ITGA3: variants seen among roughly 807,000 people sequenced by gnomAD.
The protein encoded by ITGA3 is integrin alpha-3.
A neutral mutation model predicts 131.1 loss-of-function variants in ITGA3; 70 were observed. That is an observed-to-expected ratio of 0.53 (90% CI 0.44 to 0.65). The LOEUF (loss-of-function observed/expected upper bound fraction) is 0.65. Ranked by LOEUF, ITGA3 falls within the 30% of genes least tolerant of loss-of-function variation. ITGA3 has a pLI of 0.00. For missense variants in ITGA3, 1,098 were observed against 1,388.6 expected (o/e 0.79, Z 3.33); for synonymous variants, 537 against 571.6 (o/e 0.94, Z 0.86).
chr17:50,074,909 G>A (rs1168540550), intron 10 of ITGA3, among the ~76,000 whole-genome samples: 4 of 152,140 alleles, frequency 2.6e-5, no homozygotes, highest in Admixed American at 2.6e-4. Context: ...CTTGCTTGTA[G>A]AACAGAATTG....
Position 50,076,725 on chromosome 17 carries a change from CG to C in ITGA3, c.1922+48del, listed in dbSNP as rs1233166024. ...CCGCGTTAATCGGCCAAGGGTGGGACGGGGCCTCATTAACTGGCAGGGTGGG... is the reference window on the plus strand; with the variant it reads ...CCGCGTTAATCGGCCAAGGGTGGGACGGGCCTCATTAACTGGCAGGGTGGG... On this transcript the variant is annotated intron_variant, in intron 14 of 25. Coordinates refer to ENST00000320031, the MANE Select transcript of ITGA3 (RefSeq NM_002204.4). The C allele has an allele frequency of 1.5e-5, 16 of 1,036,360 alleles. No homozygotes were observed. In the African/African-American group the frequency reaches 2.4e-4, roughly 16 times the overall value. The allele number at this position is 1,036,360 out of a possible 1,614,324, so 64.2% of individuals were successfully genotyped here.
chr17:50,078,465 C>T (rs1909028036), intron 18 of ITGA3, among the ~76,000 whole-genome samples, 181 bp downstream of exon 18: 1 of 152,134 alleles, frequency 6.6e-6, no homozygotes, highest in Non-Finnish European at 1.5e-5. Context: ...CGTTACTATT[C>T]CCCCTGTAAA....
At chr17:50,077,758 C>A (rs928600754) in intron 16 of ITGA3, among the ~76,000 whole-genome samples, 1 of 152,202 alleles carries the variant, frequency 6.6e-6, no homozygotes, top group Non-Finnish European at 1.5e-5. Context: ...TCACAGCCTT[C>A]TGAGGAGGTA....
At chr17:50,086,447 G>C (rs1468838219) in intron 23 of ITGA3, 2 of 151,286 alleles carry the variant, frequency 1.3e-5, no homozygotes, top group African/African-American at 4.9e-5. Flanking sequence ...CCAGCACTTT[G>C]GGAGGCCAAG....
chr17:50,079,731 C>A (rs1263646244), intron 21 of ITGA3, among the ~76,000 whole-genome samples, 174 bp downstream of exon 21: 1 of 152,234 alleles, frequency 6.6e-6, no homozygotes, highest in East Asian at 1.9e-4. Flanking sequence ...AGAGGGTTCT[C>A]CACTCTGATG....
In ITGA3 at chr17:50,068,321, CCATGGGGG is replaced by C. The variant is rs1450333023; in HGVS notation, c.664+17_664+24del. On this transcript the variant is annotated intron_variant, in intron 4 of 25. Coordinates refer to ENST00000320031, the MANE Select transcript of ITGA3 (RefSeq NM_002204.4). ...AACTGGAAAGGTGGGGACCATGGGG[CCATGGGGG>C]AAGAAAGGAAGAGCAGAGACCACCC... 6.2e-7 allele frequency: 1 copy of C among 1,610,230 alleles called. No homozygotes were observed. Among genetic ancestry groups the C allele is most frequent in the East Asian group, 2.2e-5 (1 of 44,826 alleles).
At chr17:50,087,504 A>T (rs552495464) in intron 23 of ITGA3, 3 of 454,344 alleles carry the variant, frequency 6.6e-6, no homozygotes, top group South Asian at 9.2e-5. Context: ...ACACACCCAG[A>T]CTCCAGGCCA....
At position 50,090,130 on chromosome 17, in the gene ITGA3, C is replaced by G. The variant is rs1432603303; in HGVS notation, c.*1052C>G. ...AGGCCCCAGAGAGACCCTGCAAGAC[C>G]ACGGAGGGAGCGACACTTGAATGTA... is the stretch of plus-strand genomic sequence containing the variant. On this transcript the variant is annotated 3_prime_UTR_variant, in exon 26 of 26. Coordinates refer to ENST00000320031, the MANE Select transcript of ITGA3 (RefSeq NM_002204.4). 1 of 415,282 alleles carries G rather than the reference C, an allele frequency of 2.4e-6. No homozygotes were observed. Among genetic ancestry groups the G allele is most frequent in the Non-Finnish European group, 5.0e-6 (1 of 200,108 alleles). The allele number at this position is 415,282 out of a possible 1,614,324, so 25.7% of individuals were successfully genotyped here.
At chr17:50,074,589 G>T (rs933230465) in intron 10 of ITGA3, 55 bp downstream of exon 10, 16 of 1,297,160 alleles carry the variant, frequency 1.2e-5, no homozygotes, top group Non-Finnish European at 6.7e-6. Flanking sequence ...GCTAGGAGGG[G>T]CTGCAGCTCC....
chr17:50,067,982 T>C, intron 3 of ITGA3, 74 bp from the exon 4 acceptor site: 1 of 1,585,548 alleles, frequency 6.3e-7, no homozygotes, highest in Non-Finnish European at 8.6e-7. Context: ...AGCCAGAGGC[T>C]TACAGGGTAA....
At chr17:50,079,920 CAAGCCGGTTG>C (rs1215379295) in intron 21 of ITGA3, among the ~76,000 whole-genome samples, 1 of 152,154 alleles carries the variant, frequency 6.6e-6, no homozygotes, top group Admixed American at 6.5e-5. Context: ...GCGGGCCTGG[CAAGCCGGTTG>C]AAGCCTAGCT....
At chr17:50,063,100 A>G (rs116203645) in intron 1 of ITGA3, among the ~76,000 whole-genome samples, 3,237 of 148,484 alleles carry the variant, frequency 0.022, 98 homozygotes, top group African/African-American at 0.08. Context: ...TTCAGGGCCA[A>G]CCCCTGCCTC....
chr17:50,064,391 CGAGCTGGAGAAG>C lies in ITGA3; in HGVS notation c.335-135_335-124del, dbSNP rs1567697045. ...GGATTGGTAGAGCTCAGAATAATGACGAGCTGGAGAAGGGGAGTTGGGAGGGCTGCCCTGTGG... is the reference window on the plus strand; with the variant it reads ...GGATTGGTAGAGCTCAGAATAATGACGGGAGTTGGGAGGGCTGCCCTGTGG... On this transcript the variant is annotated intron_variant, in intron 2 of 25. Transcript: ENST00000320031. This position sits in a 1 kb window ranked among gnomAD's most constrained non-coding sequence, Gnocchi z 4.4. 1 of 1,113,594 alleles carries C rather than the reference CGAGCTGGAGAAG, an allele frequency of 9.0e-7. No homozygotes were observed. Among genetic ancestry groups the C allele is most frequent in the Non-Finnish European group, 1.3e-6 (1 of 779,924 alleles). The allele number at this position is 1,113,594 out of a possible 1,614,324, so 69.0% of individuals were successfully genotyped here. A position where few individuals can be genotyped will look rare whatever the true frequency, so the allele number is the denominator to read the frequency against.
At chr17:50,083,799 A>T (rs1909277524) in intron 23 of ITGA3, among the ~76,000 whole-genome samples, 1 of 152,062 alleles carries the variant, frequency 6.6e-6, no homozygotes, top group Non-Finnish European at 1.5e-5. Flanking sequence ...TATATGACAA[A>T]ATATTGATAT....
rs73330541 is a variant in ITGA3 at position 50,074,392 on chromosome 17, C to G, written c.1383-56C>G. ...CTCCTTGGAAGCCTGGGCCCCAACTCTGGCCTGGGGCAGGCAGGAGGCACT... is the reference window on the plus strand; with the variant it reads ...CTCCTTGGAAGCCTGGGCCCCAACTGTGGCCTGGGGCAGGCAGGAGGCACT... On this transcript the variant is annotated intron_variant, in intron 9 of 25. Transcript: ENST00000320031. 2.4e-3 allele frequency: 3,812 copies of G among 1,600,998 alleles called. 78 individuals are homozygous for G. The African/African-American group carries it at 0.044, about 18-fold the overall frequency.
Position 50,070,923 on chromosome 17 carries a change from C to T in ITGA3, c.744C>T (p.Leu248=). The change falls in exon 5 of 26, where the codon CTC becomes CTT. Residue 248 remains leucine (L), a synonymous_variant. Transcript: ENST00000320031. ...SYKDPEDQGN[L]YIGYTMQVGS... is the part of the protein sequence containing the mutation. The stretch of plus-strand genomic sequence containing the variant: ...AGGACCCAGAGGACCAAGGAAACCT[C>T]TATATTGGTGAGTACAGTAGTGGTA... 2 of 1,592,920 alleles carry T rather than the reference C, an allele frequency of 1.3e-6. No individual in the cohort carries two copies. The highest frequency in any genetic ancestry group is 1.7e-6 in the Non-Finnish European group (2 of 1,160,842).
Position 50,070,924 on chromosome 17 carries a change from T to C in ITGA3, c.745T>C (p.Tyr249His), listed in dbSNP as rs1489894968. The C allele has an allele frequency of 1.9e-6, 3 of 1,588,688 alleles. No homozygotes were observed. The highest frequency in any genetic ancestry group is 2.6e-6 in the Non-Finnish European group (3 of 1,156,892). The change falls in exon 5 of 26, where the codon TAT becomes CAT. Residue 249 changes from tyrosine (Y) to histidine (H), a missense_variant. Tyr to His is a moderately conservative substitution (Grantham distance 83). Transcript: ENST00000320031. The stretch of plus-strand genomic sequence containing the variant: ...GGACCCAGAGGACCAAGGAAACCTC[T>C]ATATTGGTGAGTACAGTAGTGGTAG... ...YKDPEDQGNL[Y>H]IGYTMQVGSF...
Position 50,089,342 on chromosome 17 carries a change from TC to T in ITGA3, c.*266del, listed in dbSNP as rs1909610519. 4.6e-6 allele frequency: 6 copies of T among 1,297,952 alleles called. No homozygotes were observed. In the Admixed American group the frequency reaches 1.2e-4, roughly 26 times the overall value. The allele number at this position is 1,297,952 out of a possible 1,614,324, so 80.4% of individuals were successfully genotyped here. A position where few individuals can be genotyped will look rare whatever the true frequency, so the allele number is the denominator to read the frequency against. Reference sequence around the variant, plus strand: ...TTATCATAAGTTATGCCTCTGACAGTCCACAGGGGCCACCACCTTTGGCTGG... The same window carrying T: ...TTATCATAAGTTATGCCTCTGACAGTCACAGGGGCCACCACCTTTGGCTGG... On this transcript the variant is annotated 3_prime_UTR_variant, in exon 26 of 26. Transcript: ENST00000320031.
chr17:50,077,902 G>A, intron 16 of ITGA3, 144 bp from the exon 17 acceptor site: 2 of 635,042 alleles, frequency 3.1e-6, no homozygotes, highest in East Asian at 5.4e-5. Context: ...GTGGGGTGGG[G>A]AGGTAGAGAC....
Sources: gnomAD v4.1 joint callset for allele counts (sites outside exome capture counted in the v4.1 genomes callset) on GRCh38, gnomAD v4.1.1 for gene constraint, Gnocchi (gnomAD v3.1) non-coding constraint, MANE v1.5 for transcripts, NCBI Gene and HGNC (gene_info 2026-07-23, HGNC 2026-07-21) for gene names.